HEY2: variants seen among roughly 807,000 people sequenced by gnomAD.
HEY2 encodes hes related family bHLH transcription factor with YRPW motif 2, also known as hairy/enhancer-of-split related with YRPW motif protein 2.
A neutral mutation model predicts 18.1 loss-of-function variants in HEY2; 10 were observed. The ratio of observed to expected loss-of-function variants is 0.55; its 90% CI spans 0.34 to 0.94. The LOEUF (loss-of-function observed/expected upper bound fraction) is 0.94, where lower values mean the gene tolerates loss of function less well. Among genes scored for constraint, HEY2 ranks in the 40% least tolerant of loss-of-function variants. The pLI is 0.02. For synonymous variants in HEY2, 210 were observed against 182.7 expected, an observed-to-expected ratio of 1.15 and a Z score of -1.21; for missense variants, 455 against 455.9, an observed-to-expected ratio of 1.00 and a Z score of 0.02.
Position 125,760,182 on chromosome 6 carries a change from TGA to T in HEY2, c.*386_*387del. 1 of 191,272 alleles carries T rather than the reference TGA, an allele frequency of 5.2e-6. No individual in the cohort carries two copies. Among genetic ancestry groups the T allele is most frequent in the East Asian group, 1.5e-4 (1 of 6,464 alleles). 11.8% of individuals were successfully genotyped at this position (191,272 alleles called of 1,614,324 possible). A position where few individuals can be genotyped will look rare whatever the true frequency, so the allele number is the denominator to read the frequency against. On this transcript the variant is annotated 3_prime_UTR_variant, in exon 5 of 5. Transcript: ENST00000368364. ...GGGACATACATATATAGAGAGAGAG[TGA>T]GAGAGTCGTGTTTCGTAAGTGCCTG...
intron 3 of HEY2, among the ~76,000 whole-genome samples, chr6:125,752,697 AAAAG>A (rs892921695): frequency 8.5e-5 from 13 of 152,322 alleles, no homozygotes; most frequent in South Asian, 2.1e-4. Flanking sequence ...CCTTTACAAA[AAAAG>A]AAAGAAAGAA....
At chr6:125,754,172 T>A (rs576155800) in intron 3 of HEY2, among the ~76,000 whole-genome samples, 5 of 152,206 alleles carry the variant, frequency 3.3e-5, no homozygotes, top group Non-Finnish European at 4.4e-5. Flanking sequence ...ACAACTGAAA[T>A]CATTTTGCTG....
At chr6:125,749,929 C>T (rs1241391335) in intron 1 of HEY2, 70 bp downstream of exon 1, 16 of 1,241,440 alleles carry the variant, frequency 1.3e-5, no homozygotes, top group Non-Finnish European at 1.6e-5. Flanking sequence ...TGCGTGGCTC[C>T]CTGGAAATCC....
intron 4 of HEY2, among the ~76,000 whole-genome samples, chr6:125,756,139 ATTC>A (rs1401672828): frequency 6.6e-6 from 1 of 152,224 alleles, no homozygotes; most frequent in Non-Finnish European, 1.5e-5. Flanking sequence ...CTTGGTTGCT[ATTC>A]TTGGCCACCT....
At chr6:125,750,313 C>G in intron 1 of HEY2, 1 of 985,360 alleles carries the variant, frequency 1.0e-6, no homozygotes, top group South Asian at 4.7e-5. Flanking sequence ...CCTGCGATGT[C>G]AAGGCTACGT....
chr6:125,749,658 C>T lies in HEY2; in HGVS notation c.-119C>T, dbSNP rs1368846331. ...AAAGAGCCGCTAGGAGCAGACCGCGCCGCCGCCGGAGCCGCGCCTGCCCAG... is the reference window on the plus strand; with the variant it reads ...AAAGAGCCGCTAGGAGCAGACCGCGTCGCCGCCGGAGCCGCGCCTGCCCAG... On this transcript the variant is annotated 5_prime_UTR_variant, in exon 1 of 5. Coordinates refer to ENST00000368364, the MANE Select transcript of HEY2 (RefSeq NM_012259.3). 13 of 589,886 alleles carry T rather than the reference C, an allele frequency of 2.2e-5. No individual in the cohort carries two copies. Among genetic ancestry groups the T allele is most frequent in the Admixed American group, 8.5e-5 (2 of 23,426 alleles). The allele number at this position is 589,886 out of a possible 1,614,324, so 36.5% of individuals were successfully genotyped here.
chr6:125,760,118 G>A lies in HEY2; in HGVS notation c.*316G>A, dbSNP rs1773767163. The A allele has an allele frequency of 3.0e-6, 1 of 332,500 alleles. No homozygotes were observed. The highest frequency in any genetic ancestry group is 3.7e-5 in the South Asian group (1 of 27,224). The allele number at this position is 332,500 out of a possible 1,614,324, so 20.6% of individuals were successfully genotyped here. ...AGTGCATCAGTATGTCTGAATTGGG[G>A]AAGTAAAATGCCCTGACTGAATTCT... On this transcript the variant is annotated 3_prime_UTR_variant, in exon 5 of 5. Transcript: ENST00000368364.
chr6:125,756,751 T>C (rs193223153), intron 4 of HEY2, among the ~76,000 whole-genome samples: 29 of 152,320 alleles, frequency 1.9e-4, no homozygotes, highest in African/African-American at 7.0e-4. Context: ...CCCTGCGAGC[T>C]GGTCCAGTTT....
intron 4 of HEY2, 82 bp downstream of exon 4, chr6:125,754,628 A>G: frequency 1.4e-6 from 1 of 702,086 alleles, no homozygotes; most frequent in Non-Finnish European, 2.3e-6. Flanking sequence ...TATTGTAAGG[A>G]AGTCATAGCT....
Position 125,759,375 on chromosome 6 carries a change from T to C in HEY2, c.587T>C (p.Leu196Pro). The C allele has an allele frequency of 6.2e-7, 1 of 1,607,508 alleles. No individual in the cohort carries two copies. The highest frequency in any genetic ancestry group is 1.1e-5 in the South Asian group (1 of 90,850). Reference sequence around the variant, plus strand: ...GCCTTCCACCACCTGCCCGCAGCCCTGCTCCAGCCCAACGGCCTCCATGCC... The same window carrying C: ...GCCTTCCACCACCTGCCCGCAGCCCCGCTCCAGCCCAACGGCCTCCATGCC... ...AAAFHHLPAA[L>P]LQPNGLHASE... The change falls in exon 5 of 5, where the codon CTG becomes CCG. Residue 196 changes from leucine to proline, a missense_variant. Coordinates refer to ENST00000368364, the MANE Select transcript of HEY2 (RefSeq NM_012259.3).
chr6:125,759,559 C>T lies in HEY2; in HGVS notation c.771C>T (p.Leu257=), dbSNP rs1049335412. 8.7e-6 allele frequency: 14 copies of T among 1,610,912 alleles called. No homozygotes were observed. The highest frequency in any genetic ancestry group is 9.3e-6 in the Non-Finnish European group (11 of 1,179,918). The change falls in exon 5 of 5, where the codon CTC becomes CTT. Residue 257 remains leucine, a synonymous_variant. Transcript: ENST00000368364. ...GCGTGCCACCTCTCTCCACCTCTCT[C>T]TTGTCCCTCTCTGCCACCGTCCACG... ...APCVPPLSTS[L]LSLSATVHAA...
Position 125,759,616 on chromosome 6 carries a change from C to A in HEY2, c.828C>A (p.His276Gln). 1 of 1,610,900 alleles carries A rather than the reference C, an allele frequency of 6.2e-7. No homozygotes were observed. Among genetic ancestry groups the A allele is most frequent in the Non-Finnish European group, 8.5e-7 (1 of 1,179,842 alleles). The stretch of plus-strand genomic sequence containing the variant: ...CCGCAGCAGCCACCGCGGCTGCACA[C>A]AGCTTCCCTCTGTCCTTCGCGGGGG... Reference protein sequence around the residue: ...AAAAAATAAAHSFPLSFAGAF... With the variant: ...AAAAAATAAAQSFPLSFAGAF... The change falls in exon 5 of 5, where the codon CAC (histidine) becomes CAA (glutamine). Residue 276 changes from histidine (H) to glutamine (Q), a missense_variant. Physicochemically the swap from His to Gln is conservative, Grantham distance 24 (BLOSUM62 0). Transcript: ENST00000368364.
chr6:125,750,394 G>A, intron 1 of HEY2: 1 of 985,376 alleles, frequency 1.0e-6, no homozygotes, highest in Non-Finnish European at 1.2e-6. Context: ...GTAAGCATCG[G>A]AAAGGGCATC....
chr6:125,755,768 A>G (rs1773642156), intron 4 of HEY2, among the ~76,000 whole-genome samples: 1 of 152,224 alleles, frequency 6.6e-6, no homozygotes, highest in Admixed American at 6.5e-5. Context: ...AAACATTCTT[A>G]CATAATAGAA....
chr6:125,750,344 AC>A lies in HEY2; in HGVS notation c.83+487del, dbSNP rs759131959. On this transcript the variant is annotated intron_variant, in intron 1 of 4. Transcript: ENST00000368364. ...TACGTAGGTTGAACTTTGCAGGTTGACCGTGTGTGACTTGGCTAACGCAAGA... is the reference window on the plus strand; with the variant it reads ...TACGTAGGTTGAACTTTGCAGGTTGACGTGTGTGACTTGGCTAACGCAAGA... 1.0e-3 allele frequency: 1,027 copies of A among 985,328 alleles called. 1 individual carries two copies. Among genetic ancestry groups the A allele is most frequent in the Non-Finnish European group, 1.2e-3 (985 of 829,930 alleles). 61.0% of individuals were successfully genotyped at this position (985,328 alleles called of 1,614,324 possible).
At position 125,759,650 on chromosome 6, in the gene HEY2, A is replaced by G. The variant is rs1180928600; in HGVS notation, c.862A>G (p.Met288Val). The G allele has an allele frequency of 1.2e-6, 2 of 1,611,314 alleles. No individual in the cohort carries two copies. Among genetic ancestry groups the G allele is most frequent in the Admixed American group, 3.3e-5 (2 of 59,988 alleles). Residue 288 changes from methionine to valine, a missense_variant, in exon 5 of 5, where the codon ATG becomes GTG. Physicochemically the swap from Met to Val is conservative, Grantham distance 21. Coordinates refer to ENST00000368364, the MANE Select transcript of HEY2 (RefSeq NM_012259.3). ...FPLSFAGAFP[M>V]LPPNAAAAVA... is the part of the protein sequence containing the mutation. ...TCTGTCCTTCGCGGGGGCATTCCCC[A>G]TGCTTCCCCCAAACGCAGCAGCAGC...
intron 1 of HEY2, among the ~76,000 whole-genome samples, chr6:125,751,338 T>C (rs917130277): frequency 2.6e-5 from 4 of 152,146 alleles, no homozygotes; most frequent in Admixed American, 2.0e-4. Flanking sequence ...GAGACAAGAG[T>C]TTGACGTATG....
At chr6:125,759,063 C>T in intron 4 of HEY2, 54 bp from the exon 5 acceptor site, 1 of 1,402,208 alleles carries the variant, frequency 7.1e-7, no homozygotes, top group Non-Finnish European at 9.7e-7. Context: ...TTTCTCACCC[C>T]TACCTCCCGC....
rs752594984 is a variant in HEY2 at position 125,751,918 on chromosome 6, T to C, written c.162+39T>C. On this transcript the variant is annotated intron_variant, in intron 2 of 4. Transcript: ENST00000368364. Reference sequence around the variant, plus strand: ...CCCCCTTTTTATTTCATGTAACTTATACTATTGTGTAACAGTTACATTTTT... The same window carrying C: ...CCCCCTTTTTATTTCATGTAACTTACACTATTGTGTAACAGTTACATTTTT... The C allele has an allele frequency of 1.6e-5, 26 of 1,580,790 alleles. No homozygotes were observed. The South Asian group carries it at 2.2e-4, about 13-fold the overall frequency.
Sources: gnomAD v4.1 joint callset for allele counts (sites outside exome capture counted in the v4.1 genomes callset) on GRCh38, gnomAD v4.1.1 for gene constraint, MANE v1.5 for transcripts, NCBI Gene and HGNC (gene_info 2026-07-23, HGNC 2026-07-21) for gene names.